SNX29: variants seen among roughly 807,000 people sequenced by gnomAD.
The protein encoded by SNX29 is sorting nexin 29.
A neutral mutation model predicts 102.1 loss-of-function variants in SNX29; 78 were observed. The observed-to-expected ratio is 0.76, with a 90% CI of 0.64 to 0.92. The LOEUF (loss-of-function observed/expected upper bound fraction) is 0.92, where lower values mean the gene tolerates loss of function less well. SNX29 is among the 40% of genes least tolerant of loss of function. The probability of loss-of-function intolerance (pLI) is 0.00; values close to 1 mark genes in which losing one functional copy is unlikely to be tolerated. For missense variants in SNX29, 1,280 were observed against 1,061.7 expected, an observed-to-expected ratio of 1.21 and a Z score of -2.86; for synonymous variants, 580 against 414.5, an observed-to-expected ratio of 1.40 and a Z score of -4.85.
chr16:12,269,817 C>T (rs958003642), intron 14 of SNX29, among the ~76,000 whole-genome samples: 3 of 139,756 alleles, frequency 2.1e-5, no homozygotes, highest in African/African-American at 8.1e-5. Flanking sequence ...TTTTACTTTA[C>T]ATCATCATCA....
At chr16:12,071,455 G>T (rs1290979637) in intron 10 of SNX29, among the ~76,000 whole-genome samples, 1 of 152,136 alleles carries the variant, frequency 6.6e-6, no homozygotes, top group Non-Finnish European at 1.5e-5. Flanking sequence ...GTTTTTCTCA[G>T]GTTTGTCAAA....
At chr16:12,537,667 G>A (rs754035634) in intron 20 of SNX29, among the ~76,000 whole-genome samples, 3 of 152,162 alleles carry the variant, frequency 2.0e-5, no homozygotes, top group African/African-American at 7.2e-5. Context: ...CCTACTTCAT[G>A]TCTTTTTTAA....
intron 15 of SNX29, among the ~76,000 whole-genome samples, chr16:12,339,021 C>G (rs1327127948): frequency 6.6e-6 from 1 of 152,110 alleles, no homozygotes; most frequent in Non-Finnish European, 1.5e-5. Flanking sequence ...TAGGACTACA[C>G]ACAGACAACT....
intron 19 of SNX29, among the ~76,000 whole-genome samples, chr16:12,518,583 C>A (rs1270147232): frequency 6.6e-6 from 1 of 152,170 alleles, no homozygotes; most frequent in African/African-American, 2.4e-5. Flanking sequence ...CGTAGATATT[C>A]CTCCCTGCGA....
intron 19 of SNX29, among the ~76,000 whole-genome samples, chr16:12,514,859 G>A (rs1416285888): frequency 6.7e-6 from 1 of 149,688 alleles, no homozygotes; most frequent in Non-Finnish European, 1.5e-5. Flanking sequence ...AGCAAAATTA[G>A]GTCTCTAAAA....
intron 15 of SNX29, among the ~76,000 whole-genome samples, chr16:12,333,125 A>G (rs1433542290): frequency 3.1e-5 from 1 of 31,968 alleles, no homozygotes; most frequent in South Asian, 1.4e-3. Flanking sequence ...TTTTTTTTTG[A>G]GGCAGAGTCT....
intron 19 of SNX29, among the ~76,000 whole-genome samples, chr16:12,504,100 T>C (rs1253288249): frequency 6.6e-6 from 1 of 152,186 alleles, no homozygotes; most frequent in Non-Finnish European, 1.5e-5. Flanking sequence ...TCATCTGTTT[T>C]CTGCATCTAA....
chr16:12,008,396 G>A (rs1279448911), intron 3 of SNX29, among the ~76,000 whole-genome samples: 1 of 151,886 alleles, frequency 6.6e-6, no homozygotes, highest in African/African-American at 2.4e-5. Context: ...CGGCCTTCCA[G>A]GTAGCTGGGA....
chr16:12,271,190 A>G (rs2079082797), intron 14 of SNX29, among the ~76,000 whole-genome samples: 1 of 152,254 alleles, frequency 6.6e-6, no homozygotes, highest in African/African-American at 2.4e-5. Flanking sequence ...TGTGGGATAG[A>G]CAGCCTGGGT....
intron 13 of SNX29, among the ~76,000 whole-genome samples, chr16:12,137,085 A>T (rs1031740846): frequency 1.3e-5 from 2 of 152,172 alleles, no homozygotes; most frequent in Non-Finnish European, 2.9e-5. Flanking sequence ...GAGTCAGCAG[A>T]GGGCCATGAT....
At chr16:12,548,006 T>C (rs2077717534) in intron 20 of SNX29, among the ~76,000 whole-genome samples, 1 of 152,130 alleles carries the variant, frequency 6.6e-6, no homozygotes, top group Admixed American at 6.5e-5. Flanking sequence ...GAACGTGGCA[T>C]CCTGGACTTT....
Position 12,398,443 on chromosome 16 carries a change from T to C in SNX29, c.1900-3T>C, listed in dbSNP as rs752728861. On this transcript the variant is annotated splice_region_variant and splice_polypyrimidine_tract_variant and intron_variant, in intron 16 of 20. Coordinates refer to ENST00000566228, the MANE Select transcript of SNX29 (RefSeq NM_032167.5). ...TCCCCTCTCCCCCTTCTCCTGATGGTAGGTGCCTGGAGATTTGAGTCAAAC... is the reference window on the plus strand; with the variant it reads ...TCCCCTCTCCCCCTTCTCCTGATGGCAGGTGCCTGGAGATTTGAGTCAAAC... The C allele has an allele frequency of 2.5e-5, 40 of 1,613,922 alleles. No individual in the cohort carries two copies. Among genetic ancestry groups the C allele is most frequent in the Non-Finnish European group, 3.3e-5 (39 of 1,179,890 alleles).
At chr16:12,290,021 C>T (rs756177356) in intron 15 of SNX29, among the ~76,000 whole-genome samples, 7 of 152,076 alleles carry the variant, frequency 4.6e-5, no homozygotes, top group African/African-American at 9.7e-5. Context: ...GAGTGGAGAA[C>T]GCTGAGACAG....
intron 15 of SNX29, among the ~76,000 whole-genome samples, chr16:12,314,689 A>G (rs1567428814): frequency 6.6e-6 from 1 of 152,230 alleles, no homozygotes; most frequent in African/African-American, 2.4e-5. Context: ...CTTTGATTCT[A>G]CAGCTTGGTG....
intron 3 of SNX29, among the ~76,000 whole-genome samples, chr16:12,022,895 C>CTTTTTTT (rs34712388): frequency 1.6e-5 from 2 of 124,166 alleles, no homozygotes; most frequent in African/African-American, 5.8e-5. Flanking sequence ...TACCTTATTC[C>CTTTTTTT]TTTTTTTTTT....
intron 2 of SNX29, among the ~76,000 whole-genome samples, chr16:12,001,900 A>T (rs2056300553): frequency 6.6e-6 from 1 of 152,020 alleles, no homozygotes; most frequent in African/African-American, 2.4e-5. Context: ...CGTTCCTGTA[A>T]TCCCAGCTAC....
chr16:12,390,896 GA>G (rs2083506640), intron 16 of SNX29, among the ~76,000 whole-genome samples: 1 of 146,730 alleles, frequency 6.8e-6, no homozygotes, highest in African/African-American at 2.6e-5. Flanking sequence ...AAAAAAAAAA[GA>G]AAAGAAAAAA....
chr16:12,294,509 A>G (rs2079912335), intron 15 of SNX29, among the ~76,000 whole-genome samples: 1 of 152,098 alleles, frequency 6.6e-6, no homozygotes, highest in African/African-American at 2.4e-5. Context: ...AGGCCTGGGA[A>G]GTCCATAGGC....
At chr16:12,113,048 GTC>G (rs1431639754) in intron 11 of SNX29, among the ~76,000 whole-genome samples, 2 of 152,202 alleles carry the variant, frequency 1.3e-5, no homozygotes, top group African/African-American at 2.4e-5. Flanking sequence ...TGCTCTGAGT[GTC>G]TCTTGTTGCT....
Sources: allele counts gnomAD v4.1 joint callset (sites outside exome capture counted in the v4.1 genomes callset), GRCh38; gene constraint gnomAD v4.1.1; transcripts MANE v1.5; gene names NCBI Gene and HGNC (gene_info 2026-07-23, HGNC 2026-07-21).